The following DLG2 variants were observed in gnomAD, a reference collection of about 807,000 sequenced individuals.
The protein encoded by DLG2 is discs large MAGUK scaffold protein 2.
DLG2 carries 45 observed loss-of-function variants against 132.5 expected under a neutral mutation model. The ratio of observed to expected loss-of-function variants is 0.34; its 90% CI spans 0.27 to 0.44. DLG2 has a LOEUF of 0.44. Among genes scored for constraint, DLG2 ranks in the 20% least tolerant of loss-of-function variants. The pLI, the probability that DLG2 is intolerant of heterozygous loss-of-function variation, is 1.00. For synonymous variants in DLG2, 424 were observed against 419.6 expected (o/e 1.01, Z -0.13); for missense variants, 1,045 against 1,196.9 (o/e 0.87, Z 1.87).
At chr11:84,537,189 C>A (rs970014057) in intron 6 of DLG2, among the ~76,000 whole-genome samples, 1 of 152,170 alleles carries the variant, frequency 6.6e-6, no homozygotes, top group Non-Finnish European at 1.5e-5. Context: ...TCACTGCAAC[C>A]TCTGCTTCCC....
chr11:84,059,428 C>T lies in DLG2; in HGVS notation c.806G>A (p.Ser269Asn), dbSNP rs1462551392. ...NEVDVSEVSH[S>N]KAVEALKEAG... ...TTCCTTCAGGGCTTCCACCGCTTTA[C>T]TGTGGGAAACCTCTGACACATCAAC... The change falls in exon 11 of 28, where the codon AGT becomes AAT. Residue 269 changes from serine to asparagine, a missense_variant. Ser to Asn is a conservative substitution (Grantham distance 46). Transcript: ENST00000376104. 1 of 1,613,332 alleles carries T rather than the reference C, an allele frequency of 6.2e-7. No homozygotes were observed. The highest frequency in any genetic ancestry group is 2.2e-5 in the East Asian group (1 of 44,820).
intron 3 of DLG2, among the ~76,000 whole-genome samples, chr11:85,392,641 C>T (rs1276274755): frequency 6.6e-6 from 1 of 151,962 alleles, no homozygotes; most frequent in Admixed American, 6.6e-5. Flanking sequence ...CAATGGAACA[C>T]AATAGAGAAC....
chr11:84,499,513 G>A (rs1590870583), intron 7 of DLG2, among the ~76,000 whole-genome samples: 1 of 152,236 alleles, frequency 6.6e-6, no homozygotes, highest in Non-Finnish European at 1.5e-5. Context: ...TCATAACAAT[G>A]CCAAAACTGC....
chr11:84,703,857 G>GAGATATATAT (rs1555174775), intron 6 of DLG2, among the ~76,000 whole-genome samples: 4 of 102,714 alleles, frequency 3.9e-5, no homozygotes, highest in African/African-American at 1.2e-4. Context: ...ATGTAGTGAA[G>GAGATATATAT]ATATATATAT....
chr11:83,611,371 G>A (rs964108763), intron 19 of DLG2, among the ~76,000 whole-genome samples: 1 of 152,176 alleles, frequency 6.6e-6, no homozygotes, highest in African/African-American at 2.4e-5. Flanking sequence ...AGGCCATGCT[G>A]TTCGATAATT....
At chr11:84,967,478 G>C (rs190198541) in intron 6 of DLG2, among the ~76,000 whole-genome samples, 1 of 152,188 alleles carries the variant, frequency 6.6e-6, no homozygotes, top group Admixed American at 6.6e-5. Context: ...CTCACCAAAA[G>C]TAATTTTCTC....
intron 3 of DLG2, among the ~76,000 whole-genome samples, chr11:85,548,270 C>G (rs556650550): frequency 2.9e-4 from 44 of 152,258 alleles, no homozygotes; most frequent in African/African-American, 1.0e-3. Context: ...GCTGGAGTTT[C>G]CTGAAGGTCC....
chr11:84,755,721 C>T (rs1239865665), intron 6 of DLG2, among the ~76,000 whole-genome samples: 1 of 152,214 alleles, frequency 6.6e-6, no homozygotes, highest in Non-Finnish European at 1.5e-5. Flanking sequence ...CCGCGCCTGG[C>T]CCAGTGTGTC....
At chr11:84,906,260 C>A (rs2091498714) in intron 6 of DLG2, among the ~76,000 whole-genome samples, 1 of 143,262 alleles carries the variant, frequency 7.0e-6, no homozygotes. Flanking sequence ...TTTTACATCC[C>A]TAAAAAATTA....
At position 84,273,266 on chromosome 11, in the gene DLG2, G is replaced by T. The variant is rs754795882; in HGVS notation, c.520-21975C>A. 6.3e-6 allele frequency: 9 copies of T among 1,418,704 alleles called. No individual in the cohort carries two copies. In the Admixed American group the frequency reaches 1.3e-4, roughly 20 times the overall value. 87.9% of individuals were successfully genotyped at this position (1,418,704 alleles called of 1,614,324 possible). On this transcript the variant is annotated intron_variant, in intron 7 of 27. Coordinates refer to ENST00000376104, the MANE Select transcript of DLG2 (RefSeq NM_001142699.3). ...ACTTGGCCGTTGCATAGCGAAAGCT[G>T]GTAACACTCAAACTGAGCTCACAGA...
At chr11:83,838,646 A>G (rs943892342) in intron 16 of DLG2, among the ~76,000 whole-genome samples, 3 of 152,196 alleles carry the variant, frequency 2.0e-5, no homozygotes, top group Admixed American at 6.5e-5. Context: ...GCTTCACATG[A>G]AAAAAGTCTG....
chr11:84,937,877 C>T (rs1323331421), intron 6 of DLG2, among the ~76,000 whole-genome samples: 3 of 152,060 alleles, frequency 2.0e-5, no homozygotes, highest in African/African-American at 4.8e-5. Flanking sequence ...TGGCACATTG[C>T]ACTGTCTGTG....
At chr11:85,511,486 T>C (rs994677944) in intron 3 of DLG2, among the ~76,000 whole-genome samples, 2 of 152,046 alleles carry the variant, frequency 1.3e-5, no homozygotes, top group Admixed American at 6.6e-5. Context: ...ACAGAGATTA[T>C]AACATTTTAA....
chr11:85,007,280 T>A (rs1420355531), intron 6 of DLG2, among the ~76,000 whole-genome samples: 2 of 152,162 alleles, frequency 1.3e-5, no homozygotes, highest in East Asian at 3.9e-4. Flanking sequence ...AGATAATCTA[T>A]GTGAAATGAC....
At chr11:83,843,919 T>C (rs2058102685) in intron 16 of DLG2, among the ~76,000 whole-genome samples, 1 of 152,170 alleles carries the variant, frequency 6.6e-6, no homozygotes, top group African/African-American at 2.4e-5. Context: ...AAAATAGTTA[T>C]AAAATACTTT....
chr11:85,503,408 C>A (rs926846320), intron 3 of DLG2, among the ~76,000 whole-genome samples: 1 of 152,094 alleles, frequency 6.6e-6, no homozygotes. Flanking sequence ...TGACTTCTAA[C>A]CAGTCTCCCT....
At chr11:84,471,270 G>C (rs2099107651) in intron 7 of DLG2, among the ~76,000 whole-genome samples, 1 of 151,542 alleles carries the variant, frequency 6.6e-6, no homozygotes, top group Non-Finnish European at 1.5e-5. Context: ...AGATTACAAG[G>C]GCACCCCTTG....
chr11:85,321,955 A>T (rs2081099670), intron 3 of DLG2, among the ~76,000 whole-genome samples: 1 of 152,034 alleles, frequency 6.6e-6, no homozygotes, highest in Non-Finnish European at 1.5e-5. Context: ...GAAAAAAGGG[A>T]TCGATGTTAT....
intron 15 of DLG2, among the ~76,000 whole-genome samples, chr11:83,896,608 T>G (rs951300090): frequency 2.0e-5 from 3 of 152,214 alleles, no homozygotes; most frequent in Non-Finnish European, 2.9e-5. Context: ...TATTAATTAA[T>G]GAATATTAAA....
Sources: allele counts gnomAD v4.1 joint callset (sites outside exome capture counted in the v4.1 genomes callset), GRCh38; gene constraint gnomAD v4.1.1; transcripts MANE v1.5; gene names NCBI Gene and HGNC (gene_info 2026-07-23, HGNC 2026-07-21).